Variants in TMEM132B observed in about 807,000 individuals in gnomAD.
TMEM132B encodes the protein transmembrane protein 132B.
A neutral mutation model predicts 90.8 loss-of-function variants in TMEM132B; 18 were observed. That is an observed-to-expected ratio of 0.20 (90% CI 0.14 to 0.29). The LOEUF (loss-of-function observed/expected upper bound fraction) is 0.29. Among genes scored for constraint, TMEM132B ranks in the 10% least tolerant of loss-of-function variants. The pLI is 1.00. For missense variants in TMEM132B, 1,096 were observed against 1,326.8 expected (o/e 0.83, Z 2.70); for synonymous variants, 504 against 523.3 (o/e 0.96, Z 0.50).
chr12:125,243,120 T>TACAC, intron 1 of TMEM132B, among the ~76,000 whole-genome samples: 1 of 142,016 alleles, frequency 7.0e-6, no homozygotes, highest in East Asian at 2.1e-4. Context: ...CATATATATA[T>TACAC]ATACACACAC....
chr12:125,606,394 G>T, intron 5 of TMEM132B, among the ~76,000 whole-genome samples: 1 of 151,280 alleles, frequency 6.6e-6, no homozygotes, highest in Admixed American at 6.6e-5. Context: ...GTGATTATAG[G>T]TATGAATGTA....
chr12:125,468,991 G>T (rs1881643000), intron 3 of TMEM132B, among the ~76,000 whole-genome samples: 1 of 152,086 alleles, frequency 6.6e-6, no homozygotes, highest in Admixed American at 6.6e-5. Flanking sequence ...AATCCTTGGG[G>T]TTTTCTACCT....
At chr12:125,618,299 A>T (rs1299110265) in intron 5 of TMEM132B, among the ~76,000 whole-genome samples, 1 of 152,112 alleles carries the variant, frequency 6.6e-6, no homozygotes, top group East Asian at 1.9e-4. Flanking sequence ...GGGGCATCTG[A>T]CCTGCAAGTA....
chr12:125,326,546 G>A, intron 1 of TMEM132B: 2 of 1,481,414 alleles, frequency 1.4e-6, no homozygotes, highest in East Asian at 4.9e-5. Flanking sequence ...ATGGGGGGAG[G>A]TGGGAATTAG....
chr12:125,485,493 G>A (rs575874628), intron 3 of TMEM132B, among the ~76,000 whole-genome samples: 6 of 152,194 alleles, frequency 3.9e-5, no homozygotes, highest in South Asian at 2.1e-4. Context: ...TTCTCCTCAC[G>A]TCCTTATGAC....
intron 1 of TMEM132B, among the ~76,000 whole-genome samples, chr12:125,194,714 C>T (rs1432431836): frequency 2.2e-5 from 2 of 90,136 alleles, no homozygotes; most frequent in Admixed American, 1.5e-4. Flanking sequence ...TGGGGGGCAC[C>T]TGGGCAGAGA....
intron 4 of TMEM132B, among the ~76,000 whole-genome samples, chr12:125,559,851 G>A (rs142950157): frequency 4.7e-4 from 71 of 152,256 alleles, no homozygotes; most frequent in African/African-American, 1.7e-3. Context: ...TAAATGAGGC[G>A]GTGGCTGAAT....
At chr12:125,264,127 G>T (rs1874631757) in intron 1 of TMEM132B, among the ~76,000 whole-genome samples, 1 of 152,160 alleles carries the variant, frequency 6.6e-6, no homozygotes, top group African/African-American at 2.4e-5. Context: ...GAGGCCACTT[G>T]CATTCCTTGG....
chr12:125,589,434 A>T (rs1885266188), intron 5 of TMEM132B, among the ~76,000 whole-genome samples: 1 of 146,122 alleles, frequency 6.8e-6, no homozygotes, highest in African/African-American at 2.5e-5. Context: ...GTGAGCCAAG[A>T]TTGCGCCACT....
chr12:125,264,851 C>G (rs1450267448), intron 1 of TMEM132B, among the ~76,000 whole-genome samples: 1 of 152,190 alleles, frequency 6.6e-6, no homozygotes, highest in African/African-American at 2.4e-5. Context: ...CACGCTCAGC[C>G]CATCTTTCCT....
chr12:125,494,533 A>G (rs1882472624), intron 3 of TMEM132B, among the ~76,000 whole-genome samples: 1 of 114,534 alleles, frequency 8.7e-6, no homozygotes, highest in Non-Finnish European at 1.7e-5. Flanking sequence ...CTCCCTGGAA[A>G]TGGCTGTGTC....
At chr12:125,218,366 T>G (rs1332715738) in intron 1 of TMEM132B, among the ~76,000 whole-genome samples, 1 of 152,164 alleles carries the variant, frequency 6.6e-6, no homozygotes, top group Non-Finnish European at 1.5e-5. Context: ...AAGGGCCTAT[T>G]TTAGTATTTT....
intron 4 of TMEM132B, among the ~76,000 whole-genome samples, chr12:125,570,878 A>G (rs1237510326): frequency 6.6e-6 from 1 of 152,182 alleles, no homozygotes; most frequent in Non-Finnish European, 1.5e-5. Flanking sequence ...CAAAGAGTGT[A>G]GGTGGCCAGG....
intron 4 of TMEM132B, among the ~76,000 whole-genome samples, chr12:125,559,062 A>G (rs967526256): frequency 1.3e-5 from 2 of 152,220 alleles, no homozygotes; most frequent in Non-Finnish European, 2.9e-5. Flanking sequence ...GTCTTTGAGA[A>G]AATCAGTTCC....
intron 4 of TMEM132B, among the ~76,000 whole-genome samples, chr12:125,544,403 C>T (rs183577587): frequency 4.7e-4 from 72 of 152,234 alleles, no homozygotes; most frequent in Middle Eastern, 3.4e-3. Flanking sequence ...ATAATCACTG[C>T]GTCCAGGGAG....
chr12:125,302,078 T>C (rs1164927474), intron 1 of TMEM132B, among the ~76,000 whole-genome samples: 1 of 152,028 alleles, frequency 6.6e-6, no homozygotes, highest in East Asian at 1.9e-4. Context: ...CACGTGCCTG[T>C]AATCCCAGCT....
At chr12:125,553,837 A>G (rs191206962) in intron 4 of TMEM132B, among the ~76,000 whole-genome samples, 52 of 152,330 alleles carry the variant, frequency 3.4e-4, no homozygotes, top group African/African-American at 1.2e-3. Context: ...ATGTAATTTA[A>G]TACAGTTGCT....
intron 5 of TMEM132B, among the ~76,000 whole-genome samples, chr12:125,619,336 ATTTATT>A (rs1566091242): frequency 0.049 from 16 of 326 alleles, 1 homozygote; most frequent in South Asian, 0.32. Flanking sequence ...ATTTATATTT[ATTTATT>A]TATTTATTTA....
chr12:125,381,353 A>G (rs1878674802), intron 2 of TMEM132B, among the ~76,000 whole-genome samples: 1 of 152,148 alleles, frequency 6.6e-6, no homozygotes, highest in African/African-American at 2.4e-5. Context: ...AAGTGAGAGG[A>G]TGGGGAGAGT....
Sources: gnomAD v4.1 joint callset for allele counts (sites outside exome capture counted in the v4.1 genomes callset) on GRCh38, gnomAD v4.1.1 for gene constraint, MANE v1.5 for transcripts, NCBI Gene and HGNC (gene_info 2026-07-23, HGNC 2026-07-21) for gene names.